The following TBC1D22B variants were observed in gnomAD, a reference collection of about 807,000 sequenced individuals.
TBC1D22B encodes the protein TBC1 domain family member 22B, also known as chromosome 6 open reading frame 197.
In TBC1D22B, 32 loss-of-function variants were observed where a neutral mutation model predicts 69.1. The ratio of observed to expected loss-of-function variants is 0.46; its 90% CI spans 0.35 to 0.62. TBC1D22B has a LOEUF of 0.62. Ranked by LOEUF, TBC1D22B falls within the 20% of genes least tolerant of loss-of-function variation. TBC1D22B has a pLI of 0.00. For synonymous variants in TBC1D22B, 206 were observed against 229.8 expected, an observed-to-expected ratio of 0.90 and a Z score of 0.94; for missense variants, 462 against 630.9, an observed-to-expected ratio of 0.73 and a Z score of 2.87.
At chr6:37,306,857 G>A (rs886533711) in intron 8 of TBC1D22B, among the ~76,000 whole-genome samples, 3 of 152,120 alleles carry the variant, frequency 2.0e-5, no homozygotes, top group South Asian at 2.1e-4. Context: ...CTTCAAAATA[G>A]CACATCTCCT....
At chr6:37,302,796 G>T (rs1767607148) in intron 8 of TBC1D22B, among the ~76,000 whole-genome samples, 1 of 152,174 alleles carries the variant, frequency 6.6e-6, no homozygotes, top group Non-Finnish European at 1.5e-5. Flanking sequence ...GGATTAGCTA[G>T]GCTGCACATA....
intron 8 of TBC1D22B, among the ~76,000 whole-genome samples, chr6:37,294,606 A>G (rs903499067): frequency 6.6e-6 from 1 of 152,190 alleles, no homozygotes; most frequent in Non-Finnish European, 1.5e-5. Flanking sequence ...TACCATTCCA[A>G]AAACCCTAGG....
At chr6:37,288,741 CAAAA>C (rs1279008478) in intron 7 of TBC1D22B, among the ~76,000 whole-genome samples, 4 of 73,862 alleles carry the variant, frequency 5.4e-5, no homozygotes, top group Admixed American at 1.5e-4. Flanking sequence ...GATCCTGTCT[CAAAA>C]AAAAAAAAAA....
chr6:37,293,515 C>G (rs1238320020), intron 8 of TBC1D22B, among the ~76,000 whole-genome samples: 1 of 152,160 alleles, frequency 6.6e-6, no homozygotes, highest in East Asian at 1.9e-4. Flanking sequence ...TGTGTGTGTT[C>G]TGATTGCTCC....
chr6:37,312,553 A>G (rs1767947296), intron 8 of TBC1D22B, among the ~76,000 whole-genome samples: 1 of 152,218 alleles, frequency 6.6e-6, no homozygotes, highest in Admixed American at 6.5e-5. Flanking sequence ...CTGAAATCAA[A>G]GAAATTTTCC....
At chr6:37,310,781 TA>T (rs1767887117) in intron 8 of TBC1D22B, among the ~76,000 whole-genome samples, 1 of 152,268 alleles carries the variant, frequency 6.6e-6, no homozygotes, top group Non-Finnish European at 1.5e-5. Context: ...TTTTTGGTGA[TA>T]AAAGGCAGAT....
chr6:37,305,980 C>A (rs1273961987), intron 8 of TBC1D22B, among the ~76,000 whole-genome samples: 1 of 152,174 alleles, frequency 6.6e-6, no homozygotes, highest in East Asian at 1.9e-4. Flanking sequence ...GCCCCATCTT[C>A]GTAGATGAAG....
intron 8 of TBC1D22B, among the ~76,000 whole-genome samples, chr6:37,310,146 C>A: frequency 1.4e-5 from 2 of 142,774 alleles, no homozygotes; most frequent in African/African-American, 2.6e-5. Flanking sequence ...GTAAGTATAT[C>A]TATATAGATA....
intron 2 of TBC1D22B, among the ~76,000 whole-genome samples, chr6:37,276,566 G>A (rs1766678937): frequency 6.6e-6 from 1 of 152,118 alleles, no homozygotes; most frequent in African/African-American, 2.4e-5. Context: ...CTATTGGCAA[G>A]TCTTCATTTG....
chr6:37,295,386 G>A (rs925144971), intron 8 of TBC1D22B, among the ~76,000 whole-genome samples: 3 of 152,120 alleles, frequency 2.0e-5, no homozygotes, highest in East Asian at 1.9e-4. Flanking sequence ...GAGTATAGGC[G>A]TGAGCTACCA....
chr6:37,331,427 T>G lies in TBC1D22B; in HGVS notation c.*255T>G. 1 of 389,354 alleles carries G rather than the reference T, an allele frequency of 2.6e-6. No homozygotes were observed. The highest frequency in any genetic ancestry group is 4.7e-6 in the Non-Finnish European group (1 of 212,392). 24.1% of individuals were successfully genotyped at this position (389,354 alleles called of 1,614,324 possible). On this transcript the variant is annotated 3_prime_UTR_variant, in exon 13 of 13. Coordinates refer to ENST00000373491, the MANE Select transcript of TBC1D22B (RefSeq NM_017772.4). ...GGACAGAAAAGGTGGTACAGGGTTGTCTGCCCCTTTAAAAGAAACTGGACA... is the reference window on the plus strand; with the variant it reads ...GGACAGAAAAGGTGGTACAGGGTTGGCTGCCCCTTTAAAAGAAACTGGACA...
rs190294576 is a variant in TBC1D22B, at chr6:37,325,456, G to A, written c.1390-5588G>A. 6.2e-3 allele frequency among the ~76,000 whole-genome samples: 941 copies of A among 151,616 alleles called. 7 individuals are homozygous for A. The highest frequency in any genetic ancestry group is 0.021 in the African/African-American group (871 of 41,294). On this transcript the variant is annotated intron_variant, in intron 12 of 12. Coordinates refer to ENST00000373491, the MANE Select transcript of TBC1D22B (RefSeq NM_017772.4). ...CAAATCTTCAGTTGTTCCCTGCCCC[G>A]GTAGTGTCTCTTCTCTGCCCCTAGA...
chr6:37,324,173 T>A (rs1249346480), intron 12 of TBC1D22B: 6 of 397,076 alleles, frequency 1.5e-5, no homozygotes, highest in Non-Finnish European at 3.1e-5. Flanking sequence ...TACTGCAAAG[T>A]GATTCTAGAT....
rs200988480 is a variant in TBC1D22B, at chr6:37,279,435, C to T, written c.245C>T (p.Ser82Leu). Reference sequence around the variant, plus strand: ...GATGATGAGGAAGAGGACTTTTCCTCACCTTCTTTCCAAACTCTGAACTCA... The same window carrying T: ...GATGATGAGGAAGAGGACTTTTCCTTACCTTCTTTCCAAACTCTGAACTCA... ...IGDDEEEDFS[S>L]PSFQTLNSKV... The change falls in exon 3 of 13, where the codon TCA (serine) becomes TTA (leucine). Residue 82 changes from serine (S) to leucine (L), a missense_variant. This residue lies in a region of TBC1D22B where 237 missense variants were observed against 255.4 expected (regional missense o/e 0.93). Transcript: ENST00000373491. The T allele has an allele frequency of 1.6e-5, 26 of 1,614,104 alleles. No homozygotes were observed. The highest frequency in any genetic ancestry group is 2.7e-5 in the African/African-American group (2 of 74,930).
chr6:37,257,989 T>C lies in TBC1D22B; in HGVS notation c.56+16T>C, dbSNP rs756764309. On this transcript the variant is annotated intron_variant, in intron 1 of 12. Transcript: ENST00000373491. ...TGCCGGGGAGGTGAGCCCAGGACGC[T>C]GAGAGGGATAGGGGATTGGACCAAA... 2 of 1,613,688 alleles carry C rather than the reference T, an allele frequency of 1.2e-6. No homozygotes were observed. Among genetic ancestry groups the C allele is most frequent in the South Asian group, 1.1e-5 (1 of 90,942 alleles).
intron 12 of TBC1D22B, among the ~76,000 whole-genome samples, chr6:37,327,376 G>T (rs1337248434): frequency 7.7e-6 from 1 of 129,214 alleles, no homozygotes; most frequent in East Asian, 2.1e-4. Flanking sequence ...TGCTCGGGAG[G>T]CTGAGGCAGG....
intron 8 of TBC1D22B, among the ~76,000 whole-genome samples, chr6:37,303,860 G>A (rs1767634703): frequency 6.6e-6 from 1 of 152,152 alleles, no homozygotes; most frequent in Non-Finnish European, 1.5e-5. Flanking sequence ...CTGTCACTCT[G>A]TAGATTTCTC....
chr6:37,330,421 G>A (rs1768550780), intron 12 of TBC1D22B, among the ~76,000 whole-genome samples: 1 of 151,860 alleles, frequency 6.6e-6, no homozygotes, highest in African/African-American at 2.4e-5. Context: ...TGTATTTTTA[G>A]TAGAGACAGG....
intron 12 of TBC1D22B, among the ~76,000 whole-genome samples, chr6:37,322,879 C>T (rs1768290116): frequency 6.6e-6 from 1 of 152,144 alleles, no homozygotes; most frequent in South Asian, 2.1e-4. Context: ...ATTCACTGCA[C>T]GTGTAGACGA....
Sources: allele counts gnomAD v4.1 joint callset (sites outside exome capture counted in the v4.1 genomes callset), GRCh38; gene constraint gnomAD v4.1.1; regional missense constraint gnomAD v4.1.1; transcripts MANE v1.5; gene names NCBI Gene and HGNC (gene_info 2026-07-23, HGNC 2026-07-21).